Variants in PIEZO2 observed in about 807,000 individuals in gnomAD.
The protein encoded by PIEZO2 is piezo type mechanosensitive ion channel component 2, also known as piezo-type mechanosensitive ion channel component 2.
In PIEZO2, 172 loss-of-function variants were observed where a neutral mutation model predicts 337.3. The observed-to-expected ratio is 0.51, with a 90% CI of 0.45 to 0.58. The LOEUF (loss-of-function observed/expected upper bound fraction) is 0.58. Among genes scored for constraint, PIEZO2 ranks in the 20% least tolerant of loss-of-function variants. PIEZO2 has a pLI of 0.00. For missense variants in PIEZO2, 3,028 were observed against 3,391.3 expected (o/e 0.89, Z 2.66); for synonymous variants, 1,251 against 1,228.5 (o/e 1.02, Z -0.38).
chr18:10,845,327 T>A (rs2041324709), intron 7 of PIEZO2, among the ~76,000 whole-genome samples: 1 of 152,096 alleles, frequency 6.6e-6, no homozygotes, highest in South Asian at 2.1e-4. Flanking sequence ...CAGGATTTAT[T>A]TTTTTGTTTC....
rs535557018 is a variant in PIEZO2, at chr18:10,895,675, G to A, written c.329+15511C>T. On this transcript the variant is annotated intron_variant, in intron 4 of 55. Transcript: ENST00000674853. The surrounding 1 kb of genome is among the most constrained non-coding windows in gnomAD (Gnocchi z 4.8). ...CAGTTTAACACCTGGGAAATGGGGC[G>A]CTCCCTCTGACCTGCACATTTCATC... Among the ~76,000 whole-genome samples, 42 of 152,174 alleles carry A rather than the reference G, an allele frequency of 2.8e-4. No individual in the cohort carries two copies. The highest frequency in any genetic ancestry group is 8.2e-4 in the African/African-American group (34 of 41,532).
rs140431260 is a variant in PIEZO2 at position 10,997,135 on chromosome 18, G to T, written c.161-17475C>A. Among the ~76,000 whole-genome samples, 425 of 151,874 alleles carry T rather than the reference G, an allele frequency of 2.8e-3. 3 individuals are homozygous for T. The highest frequency in any genetic ancestry group is 9.4e-3 in the African/African-American group (388 of 41,406). On this transcript the variant is annotated intron_variant, in intron 2 of 55. Transcript: ENST00000674853. ...ATAATTGAACGGTGCATGTTCAAGAGAGACCCAAATGTTATGGCAAAGGTT... is the reference window on the plus strand; with the variant it reads ...ATAATTGAACGGTGCATGTTCAAGATAGACCCAAATGTTATGGCAAAGGTT...
chr18:10,732,539 T>G (rs919063968), intron 35 of PIEZO2, among the ~76,000 whole-genome samples: 1 of 152,234 alleles, frequency 6.6e-6, no homozygotes, highest in Non-Finnish European at 1.5e-5. Context: ...GGAAGGGTCA[T>G]AGGTTACTAT....
At chr18:10,849,601 T>C (rs1446939924) in intron 7 of PIEZO2, among the ~76,000 whole-genome samples, 5 of 152,114 alleles carry the variant, frequency 3.3e-5, no homozygotes, top group Admixed American at 1.3e-4. Flanking sequence ...CCCTGAACCG[T>C]AAACGGGGCC....
At position 11,038,365 on chromosome 18, in the gene PIEZO2, C is replaced by T. The variant is rs1372460545; in HGVS notation, c.160+27762G>A. Reference sequence around the variant, plus strand: ...TGTATTTTCCTTCCTTAATTTTTAACTCAAACTTACTCAATGACAGGAAAT... The same window carrying T: ...TGTATTTTCCTTCCTTAATTTTTAATTCAAACTTACTCAATGACAGGAAAT... On this transcript the variant is annotated intron_variant, in intron 2 of 55. Coordinates refer to ENST00000674853, the MANE Select transcript of PIEZO2 (RefSeq NM_001378183.1). The surrounding 1 kb of genome is among the most constrained non-coding windows in gnomAD (Gnocchi z 4.1). 6.6e-6 allele frequency among the ~76,000 whole-genome samples: 1 copy of T among 152,118 alleles called. No homozygotes were observed. The highest frequency in any genetic ancestry group is 1.5e-5 in the Non-Finnish European group (1 of 68,040).
chr18:10,893,981 G>A (rs556008810), intron 4 of PIEZO2, among the ~76,000 whole-genome samples: 1 of 152,168 alleles, frequency 6.6e-6, no homozygotes, highest in Non-Finnish European at 1.5e-5. Context: ...GGAAAGTCAG[G>A]TGAGCATCAG....
intron 3 of PIEZO2, among the ~76,000 whole-genome samples, chr18:10,948,242 CATTAA>C (rs1268637674): frequency 2.6e-5 from 4 of 151,994 alleles, no homozygotes; most frequent in African/African-American, 9.7e-5. Flanking sequence ...TACAATATTA[CATTAA>C]AATTATTGTA....
At position 11,017,930 on chromosome 18, in the gene PIEZO2, C is replaced by T. The variant is rs138788763; in HGVS notation, c.161-38270G>A. Among the ~76,000 whole-genome samples, 48 of 152,184 alleles carry T rather than the reference C, an allele frequency of 3.2e-4. No homozygotes were observed. The Middle Eastern group carries it at 0.02, about 65-fold the overall frequency. On this transcript the variant is annotated intron_variant, in intron 2 of 55. Transcript: ENST00000674853. ...ACAGCTTGAGCTCAGAAGTTCCAGG[C>T]CAGCCTGAGCAACACAGTGAGACCC... is the stretch of plus-strand genomic sequence containing the variant.
At chr18:10,743,644 G>T (rs889506228) in intron 31 of PIEZO2, among the ~76,000 whole-genome samples, 10 of 152,176 alleles carry the variant, frequency 6.6e-5, no homozygotes, top group South Asian at 2.1e-4. Flanking sequence ...TTTCCAAAGA[G>T]ACTGGATGAT....
intron 3 of PIEZO2, among the ~76,000 whole-genome samples, chr18:10,939,285 C>T (rs2032584450): frequency 6.6e-6 from 1 of 152,136 alleles, no homozygotes; most frequent in African/African-American, 2.4e-5. Flanking sequence ...AAAAGTGGTA[C>T]CTGTCTAATA....
chr18:11,058,848 A>C (rs942229961), intron 2 of PIEZO2, among the ~76,000 whole-genome samples: 2 of 152,190 alleles, frequency 1.3e-5, no homozygotes. Flanking sequence ...TATTATACAG[A>C]AGAACTTCCC....
At chr18:10,720,326 T>TATAA (rs1300785829) in intron 36 of PIEZO2, among the ~76,000 whole-genome samples, 1 of 137,572 alleles carries the variant, frequency 7.3e-6, no homozygotes, top group African/African-American at 2.7e-5. Context: ...TATATATATA[T>TATAA]AATATATATA....
Position 10,682,241 on chromosome 18 carries a change from T to A in PIEZO2, c.7549A>T (p.Met2517Leu). The change falls in exon 50 of 56, where the codon ATG (methionine) becomes TTG (leucine). Residue 2517 changes from methionine (M) to leucine (L), a missense_variant. This residue lies in a region of PIEZO2 where 179 missense variants were observed against 281.8 expected (regional missense o/e 0.64). Coordinates refer to ENST00000674853, the MANE Select transcript of PIEZO2 (RefSeq NM_001378183.1). The surrounding 1 kb of genome is among the most constrained non-coding windows in gnomAD (Gnocchi z 5.6). ...QKKKKVVKYG[M>L]GGMIIVLLIC... ...AGCAGGACGATGATCATTCCTCCCA[T>A]GCCATACTTCACCACTTTCTTCTTC... 6.5e-7 allele frequency: 1 copy of A among 1,537,222 alleles called. No individual in the cohort carries two copies. Among genetic ancestry groups the A allele is most frequent in the Non-Finnish European group, 8.7e-7 (1 of 1,146,886 alleles).
Position 10,859,483 on chromosome 18 carries a change from A to G in PIEZO2, c.493-2272T>C, listed in dbSNP as rs2041815718. Reference sequence around the variant, plus strand: ...CATATGCTCCAGCCATGATGACTGCATCCCATCTGCTCAGGACACCAGGGA... The same window carrying G: ...CATATGCTCCAGCCATGATGACTGCGTCCCATCTGCTCAGGACACCAGGGA... On this transcript the variant is annotated intron_variant, in intron 5 of 55. Transcript: ENST00000674853. The surrounding 1 kb of genome is among the most constrained non-coding windows in gnomAD (Gnocchi z 4.9). Among the ~76,000 whole-genome samples the G allele has an allele frequency of 6.6e-6, 1 of 152,224 alleles. No homozygotes were observed. Among genetic ancestry groups the G allele is most frequent in the African/African-American group, 2.4e-5 (1 of 41,468 alleles).
intron 20 of PIEZO2, among the ~76,000 whole-genome samples, chr18:10,771,158 C>A (rs1315812374): frequency 6.6e-6 from 1 of 152,248 alleles, no homozygotes; most frequent in East Asian, 1.9e-4. Context: ...AATGGCCTGT[C>A]TCCTTCGACA....
Position 10,974,183 on chromosome 18 carries a change from C to T in PIEZO2, c.286+5352G>A, listed in dbSNP as rs373985323. On this transcript the variant is annotated intron_variant, in intron 3 of 55. Coordinates refer to ENST00000674853, the MANE Select transcript of PIEZO2 (RefSeq NM_001378183.1). ...CCTCAGTCTTCTTGTCGTAGGCCGA[C>T]GCTTGATACCTTGATTCTTGGCACT... 4.6e-5 allele frequency among the ~76,000 whole-genome samples: 7 copies of T among 152,262 alleles called. 1 individual carries two copies. The highest frequency in any genetic ancestry group is 1.4e-4 in the African/African-American group (6 of 41,550).
chr18:10,678,163 G>T (rs1361390007), intron 52 of PIEZO2, among the ~76,000 whole-genome samples: 3 of 152,170 alleles, frequency 2.0e-5, no homozygotes, highest in Admixed American at 6.5e-5. Flanking sequence ...TTAATACGAG[G>T]TTCTAAAATA....
chr18:10,696,678 G>A (rs2035104069), intron 45 of PIEZO2, 139 bp from the exon 46 acceptor site: 2 of 973,210 alleles, frequency 2.1e-6, no homozygotes, highest in Non-Finnish European at 1.5e-6. Flanking sequence ...TCTGCCTCAG[G>A]ATAGTCCCGC....
intron 53 of PIEZO2, among the ~76,000 whole-genome samples, chr18:10,675,548 G>T (rs1221911857): frequency 6.6e-6 from 1 of 152,220 alleles, no homozygotes. Flanking sequence ...AACAGCCACA[G>T]GCCTTTTCCC....
Sources: gnomAD v4.1 joint callset for allele counts (sites outside exome capture counted in the v4.1 genomes callset) on GRCh38, gnomAD v4.1.1 for gene constraint, gnomAD v4.1.1 regional missense constraint, Gnocchi (gnomAD v3.1) non-coding constraint, MANE v1.5 for transcripts, NCBI Gene and HGNC (gene_info 2026-07-23, HGNC 2026-07-21) for gene names.